VCAN: variants seen among roughly 807,000 people sequenced by gnomAD.
VCAN encodes the protein versican core protein.
Under a neutral mutation model 245.5 loss-of-function variants are expected in VCAN, and 44 were observed. The ratio of observed to expected loss-of-function variants is 0.18; its 90% confidence interval spans 0.14 to 0.23. VCAN has a LOEUF of 0.23. Among genes scored for constraint, VCAN ranks in the 10% least tolerant of loss-of-function variants. VCAN has a pLI of 1.00. For missense variants in VCAN, 3,793 were observed against 4,057.9 expected, an observed-to-expected ratio of 0.93 and a Z score of 1.77; for synonymous variants, 1,413 against 1,437.0, an observed-to-expected ratio of 0.98 and a Z score of 0.38.
chr5:83,550,864 G>A (rs1369418653), intron 10 of VCAN, among the ~76,000 whole-genome samples: 3 of 115,812 alleles, frequency 2.6e-5, no homozygotes, highest in African/African-American at 9.9e-5. Context: ...TCCAGCCTGG[G>A]TGACAAGAGT....
intron 5 of VCAN, among the ~76,000 whole-genome samples, chr5:83,497,546 G>T (rs191453482): frequency 1.8e-4 from 27 of 152,140 alleles, no homozygotes; most frequent in African/African-American, 6.5e-4. Flanking sequence ...TCTTAGAAAT[G>T]GTCTGGAAAT....
At chr5:83,564,972 G>A (rs755516436) in intron 12 of VCAN, among the ~76,000 whole-genome samples, 3 of 152,100 alleles carry the variant, frequency 2.0e-5, no homozygotes, top group Admixed American at 1.3e-4. Context: ...AAAACAAAAG[G>A]TGACTGCACC....
Position 83,580,570 on chromosome 5 carries a change from T to C in VCAN, c.*136T>C. 7.6e-7 allele frequency: 1 copy of C among 1,322,086 alleles called. No homozygotes were observed. The highest frequency in any genetic ancestry group is 2.5e-5 in the East Asian group (1 of 39,314). The allele number at this position is 1,322,086 out of a possible 1,614,324, so 81.9% of individuals were successfully genotyped here. A position where few individuals can be genotyped will look rare whatever the true frequency, so the allele number is the denominator to read the frequency against. The stretch of plus-strand genomic sequence containing the variant: ...ACCGTTCAGTCATTTTGGGTTGCCG[T>C]GCTCCCAAAACATTTTAAATGAAAG... On this transcript the variant is annotated 3_prime_UTR_variant, in exon 15 of 15. Coordinates refer to ENST00000265077, the MANE Select transcript of VCAN (RefSeq NM_004385.5).
chr5:83,540,075 C>T lies in VCAN; in HGVS notation c.7072C>T (p.Pro2358Ser). The change falls in exon 8 of 15, where the codon CCT becomes TCT. Residue 2358 changes from proline (P) to serine (S), a missense_variant. Pro to Ser is a moderately conservative substitution (Grantham distance 74, BLOSUM62 -1). Transcript: ENST00000265077. ...PLPFSTDIGH[P>S]QNQTVRWAEE... ...CCCTTTCTCCACGGACATCGGACAT[C>T]CTCAAAATCAGACTGTCAGGTGGGC... 2 of 1,614,006 alleles carry T rather than the reference C, an allele frequency of 1.2e-6. No individual in the cohort carries two copies. The highest frequency in any genetic ancestry group is 1.7e-6 in the Non-Finnish European group (2 of 1,179,986).
At chr5:83,568,438 G>C (rs1748164403) in intron 12 of VCAN, among the ~76,000 whole-genome samples, 1 of 152,162 alleles carries the variant, frequency 6.6e-6, no homozygotes, top group Non-Finnish European at 1.5e-5. Flanking sequence ...CTCATTTTAA[G>C]TCATTGCTGC....
rs547693097 is a variant in VCAN, at chr5:83,490,336, G to A, written c.309G>A (p.Val103=). The stretch of plus-strand genomic sequence containing the variant: ...AGGACTACAAAGGGAGAGTGTCTGT[G>A]CCCACACATCCCGAGGCTGTGGGCG... ...IGQDYKGRVS[V]PTHPEAVGDA... The change falls in exon 3 of 15, where the codon GTG becomes GTA. Residue 103 remains valine, a synonymous_variant. Coordinates refer to ENST00000265077, the MANE Select transcript of VCAN (RefSeq NM_004385.5). The A allele has an allele frequency of 6.2e-7, 1 of 1,614,204 alleles. No homozygotes were observed. Among genetic ancestry groups the A allele is most frequent in the South Asian group, 1.1e-5 (1 of 91,084 alleles).
chr5:83,540,641 C>T lies in VCAN; in HGVS notation c.7638C>T (p.Asp2546=), dbSNP rs144914004. The T allele has an allele frequency of 2.9e-4, 462 of 1,613,796 alleles. 3 individuals are homozygous for T. The highest frequency in any genetic ancestry group is 9.1e-4 in the South Asian group (83 of 91,078). ...AACCCACTGAAAATATTATCATAGA[C>T]CTGGACAAAGAGGACAAGGATTTAA... ...RKKPTENIII[D]LDKEDKDLIL... is the part of the protein sequence containing the mutation. Residue 2546 remains aspartate, a synonymous_variant, in exon 8 of 15, where the codon GAC becomes GAT. Transcript: ENST00000265077.
chr5:83,548,367 C>T (rs1055321729), intron 10 of VCAN, among the ~76,000 whole-genome samples: 2 of 152,116 alleles, frequency 1.3e-5, no homozygotes, highest in African/African-American at 4.8e-5. Flanking sequence ...AAGCACTGAC[C>T]TTACTGTGGC....
At chr5:83,553,072 C>A (rs1339312178) in intron 10 of VCAN, among the ~76,000 whole-genome samples, 2 of 152,212 alleles carry the variant, frequency 1.3e-5, no homozygotes, top group Non-Finnish European at 1.5e-5. Flanking sequence ...AGTGCTATAG[C>A]AGCCCAAGAG....
intron 13 of VCAN, among the ~76,000 whole-genome samples, chr5:83,575,120 A>G (rs1410282023): frequency 6.6e-6 from 1 of 152,222 alleles, no homozygotes; most frequent in East Asian, 1.9e-4. Flanking sequence ...AAAATAATAA[A>G]ACTAAAAACC....
At chr5:83,511,749 T>C (rs1307069519) in intron 5 of VCAN, among the ~76,000 whole-genome samples, 2 of 152,106 alleles carry the variant, frequency 1.3e-5, no homozygotes, top group African/African-American at 4.8e-5. Context: ...GCAGACTTTT[T>C]CCTTAAAAAA....
intron 13 of VCAN, among the ~76,000 whole-genome samples, chr5:83,573,890 T>C (rs1254665528): frequency 6.6e-6 from 1 of 152,202 alleles, no homozygotes; most frequent in East Asian, 1.9e-4. Context: ...AGCTGAGATC[T>C]TGAGAAATTT....
At chr5:83,513,285 G>A (rs774743816) in intron 6 of VCAN, among the ~76,000 whole-genome samples, 5 of 152,140 alleles carry the variant, frequency 3.3e-5, no homozygotes, top group Non-Finnish European at 5.9e-5. Context: ...ACAGAGTTAG[G>A]TTATGTTGAA....
intron 1 of VCAN, among the ~76,000 whole-genome samples, chr5:83,475,210 C>T (rs1299800979): frequency 6.6e-6 from 1 of 152,064 alleles, no homozygotes; most frequent in East Asian, 1.9e-4. Context: ...GGGGACCTGG[C>T]GGGGACTGGA....
intron 8 of VCAN, among the ~76,000 whole-genome samples, chr5:83,542,729 C>G (rs1747052377): frequency 6.6e-6 from 1 of 152,124 alleles, no homozygotes; most frequent in Non-Finnish European, 1.5e-5. Context: ...GTACGTAGCT[C>G]TAATAATTAT....
At chr5:83,543,230 T>C (rs1747071657) in intron 8 of VCAN, among the ~76,000 whole-genome samples, 1 of 152,206 alleles carries the variant, frequency 6.6e-6, no homozygotes, top group Non-Finnish European at 1.5e-5. Flanking sequence ...AGCCTGAGAA[T>C]GTTAAGAAAT....
intron 7 of VCAN, among the ~76,000 whole-genome samples, chr5:83,526,718 C>T (rs908455375): frequency 2.0e-5 from 3 of 152,150 alleles, no homozygotes; most frequent in African/African-American, 7.2e-5. Context: ...TAGCACTATG[C>T]ATGGTGCTGA....
intron 1 of VCAN, among the ~76,000 whole-genome samples, chr5:83,474,575 G>A (rs1306894107): frequency 6.6e-6 from 1 of 152,202 alleles, no homozygotes; most frequent in Admixed American, 6.5e-5. Context: ...CAGCGGCTGG[G>A]TTAGCCAGCC....
chr5:83,518,220 A>G (rs1170987441), intron 6 of VCAN, among the ~76,000 whole-genome samples: 1 of 149,110 alleles, frequency 6.7e-6, no homozygotes, highest in Non-Finnish European at 1.5e-5. Context: ...ATAGGTTTTT[A>G]TTTTTAAAAA....
Sources: allele counts gnomAD v4.1 joint callset (sites outside exome capture counted in the v4.1 genomes callset), GRCh38; gene constraint gnomAD v4.1.1; transcripts MANE v1.5; gene names NCBI Gene and HGNC (gene_info 2026-07-23, HGNC 2026-07-21).